RPRD1A: variants seen among roughly 807,000 people sequenced by gnomAD.
RPRD1A encodes the protein regulation of nuclear pre-mRNA domain-containing protein 1A.
Under a neutral mutation model 37.8 loss-of-function variants are expected in RPRD1A, and 9 were observed. The observed-to-expected ratio is 0.24, with a 90% CI of 0.14 to 0.42. RPRD1A has a LOEUF of 0.42. Ranked by LOEUF, RPRD1A falls within the 10% of genes least tolerant of loss-of-function variation. RPRD1A has a pLI of 1.00. For synonymous variants in RPRD1A, 138 were observed against 139.7 expected, an observed-to-expected ratio of 0.99 and a Z score of 0.08; for missense variants, 255 against 371.0, an observed-to-expected ratio of 0.69 and a Z score of 2.57.
chr18:36,062,674 T>G (rs777705314), intron 1 of RPRD1A, among the ~76,000 whole-genome samples: 1 of 152,156 alleles, frequency 6.6e-6, no homozygotes, highest in Non-Finnish European at 1.5e-5. Flanking sequence ...TGTTATAGCA[T>G]GGATGGAAAA....
intron 4 of RPRD1A, chr18:36,028,019 C>T (rs1287286006): frequency 6.6e-6 from 1 of 151,950 alleles, no homozygotes; most frequent in African/African-American, 2.4e-5. Context: ...GGAAGCGCAA[C>T]TCTTTGCTGG....
intron 6 of RPRD1A, among the ~76,000 whole-genome samples, chr18:36,019,758 G>A (rs1008798873): frequency 5.9e-5 from 9 of 152,194 alleles, no homozygotes; most frequent in African/African-American, 1.4e-4. Context: ...CCTGTTGGAC[G>A]GCCGGGTGTG....
rs1450560537 is a variant in RPRD1A at position 36,032,526 on chromosome 18, A to G, written c.281+1182T>C. Among the ~76,000 whole-genome samples, 4 of 152,188 alleles carry G rather than the reference A, an allele frequency of 2.6e-5. No homozygotes were observed. In the East Asian group the frequency reaches 7.7e-4, roughly 29 times the overall value. The stretch of plus-strand genomic sequence containing the variant: ...TTCATCTCTAAAACAAATGGGAACC[A>G]CTCAAAGGCAAGGAAGTATTATGAC... On this transcript the variant is annotated intron_variant, in intron 2 of 6. Coordinates refer to ENST00000399022, the MANE Select transcript of RPRD1A (RefSeq NM_018170.5).
chr18:36,056,377 T>C (rs60982573), intron 1 of RPRD1A, among the ~76,000 whole-genome samples: 2,854 of 151,904 alleles, frequency 0.019, 83 homozygotes, highest in African/African-American at 0.065. Context: ...AACCTCCACC[T>C]CCCAGGTTCA....
intron 4 of RPRD1A, among the ~76,000 whole-genome samples, chr18:36,029,965 C>T (rs1451075053): frequency 6.6e-6 from 1 of 151,582 alleles, no homozygotes; most frequent in African/African-American, 2.4e-5. Context: ...GCCACCACGC[C>T]CAGCTAATTT....
rs559564832 is a variant in RPRD1A, at chr18:36,060,428, T to C, written c.151+6826A>G. ...CAGCCTGGGCAACAAAGCGAGACTCTGTCTCAAAAAAAATAAAAAAGAAAA... is the reference window on the plus strand; with the variant it reads ...CAGCCTGGGCAACAAAGCGAGACTCCGTCTCAAAAAAAATAAAAAAGAAAA... On this transcript the variant is annotated intron_variant, in intron 1 of 6. Coordinates refer to ENST00000399022, the MANE Select transcript of RPRD1A (RefSeq NM_018170.5). Among the ~76,000 whole-genome samples, 33 of 152,096 alleles carry C rather than the reference T, an allele frequency of 2.2e-4. No homozygotes were observed. The South Asian group carries it at 6.0e-3, about 28-fold the overall frequency.
chr18:36,011,662 G>C (rs952164270), intron 6 of RPRD1A, among the ~76,000 whole-genome samples: 12 of 152,240 alleles, frequency 7.9e-5, no homozygotes, highest in Non-Finnish European at 1.8e-4. Context: ...TGTTAAAAAA[G>C]AGAGGTTTGA....
At chr18:36,039,113 T>C (rs1266659914) in intron 1 of RPRD1A, among the ~76,000 whole-genome samples, 1 of 151,902 alleles carries the variant, frequency 6.6e-6, no homozygotes. Context: ...GGACATGAGA[T>C]TTGGGAGGGG....
chr18:36,009,470 T>A (rs772016680), intron 6 of RPRD1A, among the ~76,000 whole-genome samples: 6 of 152,192 alleles, frequency 3.9e-5, no homozygotes, highest in Non-Finnish European at 8.8e-5. Context: ...GGAACGTTTG[T>A]GTGAATGCTT....
chr18:36,054,798 A>C (rs1047106793), intron 1 of RPRD1A, among the ~76,000 whole-genome samples: 2 of 151,970 alleles, frequency 1.3e-5, no homozygotes, highest in African/African-American at 4.8e-5. Context: ...AGGCTGGCAA[A>C]CTGGAGACCT....
chr18:36,060,075 A>C (rs559043619), intron 1 of RPRD1A, among the ~76,000 whole-genome samples: 122 of 152,350 alleles, frequency 8.0e-4, no homozygotes, highest in Admixed American at 1.9e-3. Context: ...TGAACTGTCA[A>C]TTTAAAACAG....
intron 1 of RPRD1A, among the ~76,000 whole-genome samples, chr18:36,052,397 T>G (rs536253027): frequency 6.6e-6 from 1 of 151,844 alleles, no homozygotes; most frequent in Non-Finnish European, 1.5e-5. Flanking sequence ...CCTAAGTAAA[T>G]ATAAAAGCCA....
intron 6 of RPRD1A, among the ~76,000 whole-genome samples, chr18:35,999,495 T>C (rs1395544285): frequency 6.6e-6 from 1 of 152,226 alleles, no homozygotes; most frequent in Non-Finnish European, 1.5e-5. Context: ...TTTGGAATTC[T>C]TGTTCATTTT....
At chr18:36,044,493 G>C (rs1912813542) in intron 1 of RPRD1A, among the ~76,000 whole-genome samples, 1 of 152,018 alleles carries the variant, frequency 6.6e-6, no homozygotes, top group African/African-American at 2.4e-5. Flanking sequence ...TTCGAGACCA[G>C]CCTGGCCAAC....
intron 6 of RPRD1A, among the ~76,000 whole-genome samples, chr18:36,013,168 G>C (rs909755426): frequency 1.3e-5 from 2 of 152,086 alleles, no homozygotes; most frequent in African/African-American, 4.8e-5. Context: ...TACAATCTGT[G>C]AACTAGCCAA....
intron 6 of RPRD1A, among the ~76,000 whole-genome samples, chr18:36,016,988 A>T (rs1158825749): frequency 6.6e-6 from 1 of 151,638 alleles, no homozygotes; most frequent in Non-Finnish European, 1.5e-5. Context: ...TTCAACTATG[A>T]TAAGCATGTA....
At chr18:35,995,517 C>CT (rs1908994577) in intron 6 of RPRD1A, among the ~76,000 whole-genome samples, 1 of 152,160 alleles carries the variant, frequency 6.6e-6, no homozygotes, top group African/African-American at 2.4e-5. Context: ...ATCCACCTGC[C>CT]TTGGCCTCCC....
At position 35,990,393 on chromosome 18, in the gene RPRD1A, C is replaced by G. The variant is rs1434613298; in HGVS notation, c.*2758G>C. The G allele has an allele frequency of 1.3e-5, 2 of 152,160 alleles. No homozygotes were observed. The highest frequency in any genetic ancestry group is 4.8e-5 in the African/African-American group (2 of 41,434). 9.4% of individuals were successfully genotyped at this position (152,160 alleles called of 1,614,324 possible). A position where few individuals can be genotyped will look rare whatever the true frequency, so the allele number is the denominator to read the frequency against. On this transcript the variant is annotated 3_prime_UTR_variant, in exon 7 of 7. Coordinates refer to ENST00000399022, the MANE Select transcript of RPRD1A (RefSeq NM_018170.5). ...CACTTTTGCTGATTCTGAAAGATTT[C>G]TTATAGAAAAACCCTGATTCAGAGT...
intron 1 of RPRD1A, among the ~76,000 whole-genome samples, chr18:36,036,138 C>T (rs1912178732): frequency 1.3e-5 from 2 of 152,082 alleles, no homozygotes; most frequent in South Asian, 4.2e-4. Context: ...GTCTCCCAGA[C>T]TAAAGGCTCA....
Sources: gnomAD v4.1 joint callset for allele counts (sites outside exome capture counted in the v4.1 genomes callset) on GRCh38, gnomAD v4.1.1 for gene constraint, MANE v1.5 for transcripts, NCBI Gene and HGNC (gene_info 2026-07-23, HGNC 2026-07-21) for gene names.